The following KIF13A variants were observed in gnomAD, a reference collection of about 807,000 sequenced individuals.
KIF13A encodes kinesin family member 13A, also known as kinesin-like protein KIF13A.
In KIF13A, 79 loss-of-function variants were observed where a neutral mutation model predicts 212.2. The observed-to-expected ratio is 0.37, with a 90% CI of 0.31 to 0.45. The LOEUF is 0.45. Among genes scored for constraint, KIF13A ranks in the 20% least tolerant of loss-of-function variants. KIF13A has a pLI of 1.00. For missense variants in KIF13A, 1,901 were observed against 2,209.0 expected (o/e 0.86, Z 2.79); for synonymous variants, 789 against 808.6 (o/e 0.98, Z 0.41).
chr6:17,930,734 C>T (rs1775915452), intron 2 of KIF13A, among the ~76,000 whole-genome samples: 1 of 152,180 alleles, frequency 6.6e-6, no homozygotes, highest in South Asian at 2.1e-4. Context: ...GGTGATCTCA[C>T]TACCACTACC....
intron 3 of KIF13A, among the ~76,000 whole-genome samples, chr6:17,878,747 T>C (rs1770797193): frequency 6.6e-6 from 1 of 152,058 alleles, no homozygotes; most frequent in African/African-American, 2.4e-5. Context: ...AATCAAAGAG[T>C]TAATCATTTA....
intron 25 of KIF13A, among the ~76,000 whole-genome samples, 153 bp from the exon 26 acceptor site, chr6:17,790,063 A>C (rs1290429796): frequency 3.9e-5 from 6 of 152,244 alleles, no homozygotes; most frequent in Non-Finnish European, 8.8e-5. Flanking sequence ...AAAAGGTAAA[A>C]TGGATTTAAT....
Position 17,897,341 on chromosome 6 carries a change from C to A in KIF13A, c.159+827G>T, listed in dbSNP as rs1005738579. 6.6e-6 allele frequency among the ~76,000 whole-genome samples: 1 copy of A among 152,190 alleles called. No individual in the cohort carries two copies. The highest frequency in any genetic ancestry group is 2.4e-5 in the African/African-American group (1 of 41,452). ...GCCTGTTCTAATCCTATCTCAAGAA[C>A]CACAGCTATAATCAGTATCACTGGC... On this transcript the variant is annotated intron_variant, in intron 3 of 38. Coordinates refer to ENST00000259711, the MANE Select transcript of KIF13A (RefSeq NM_022113.6). This position sits in a 1 kb window ranked among gnomAD's most constrained non-coding sequence, Gnocchi z 4.8.
intron 19 of KIF13A, 117 bp downstream of exon 19, chr6:17,805,358 T>C: frequency 2.3e-6 from 2 of 860,104 alleles, no homozygotes; most frequent in South Asian, 1.7e-5. Context: ...TAACGTATCA[T>C]GAGCACATCT....
At chr6:17,917,921 T>C (rs1334072504) in intron 2 of KIF13A, among the ~76,000 whole-genome samples, 1 of 152,080 alleles carries the variant, frequency 6.6e-6, no homozygotes, top group Non-Finnish European at 1.5e-5. Flanking sequence ...CTTTGGAGGC[T>C]TCAAGCTACT....
Position 17,941,398 on chromosome 6 carries a change from T to C in KIF13A, c.147-43218A>G, listed in dbSNP as rs373615301. 4.6e-5 allele frequency among the ~76,000 whole-genome samples: 7 copies of C among 152,328 alleles called. No homozygotes were observed. In the South Asian group the frequency reaches 6.2e-4, roughly 14 times the overall value. ...TTAGCTATTGTTATGAATGGAATCA[T>C]GTCCCCACACCCTAAATTTCCATAT... On this transcript the variant is annotated intron_variant, in intron 2 of 38. Coordinates refer to ENST00000259711, the MANE Select transcript of KIF13A (RefSeq NM_022113.6).
chr6:17,775,077 T>A lies in KIF13A; in HGVS notation c.4171-15A>T. 6.2e-7 allele frequency: 1 copy of A among 1,605,170 alleles called. No homozygotes were observed. Among genetic ancestry groups the A allele is most frequent in the Non-Finnish European group, 8.5e-7 (1 of 1,175,206 alleles). On this transcript the variant is annotated splice_polypyrimidine_tract_variant and intron_variant, in intron 34 of 38. Transcript: ENST00000259711. ...CTGGAAGAGACCTATAAGAGAAGAATGGTTTTAGCAATGTGGTTTATATAT... is the reference window on the plus strand; with the variant it reads ...CTGGAAGAGACCTATAAGAGAAGAAAGGTTTTAGCAATGTGGTTTATATAT...
intron 2 of KIF13A, among the ~76,000 whole-genome samples, chr6:17,960,229 A>G (rs932927818): frequency 6.6e-6 from 1 of 152,038 alleles, no homozygotes; most frequent in Non-Finnish European, 1.5e-5. Flanking sequence ...AGGGAAAATC[A>G]CTCTTTAGTA....
At position 17,951,323 on chromosome 6, in the gene KIF13A, G is replaced by A; in HGVS notation, c.146+35731C>T. On this transcript the variant is annotated intron_variant, in intron 2 of 38. Transcript: ENST00000259711. This position sits in a 1 kb window ranked among gnomAD's most constrained non-coding sequence, Gnocchi z 4.9. The stretch of plus-strand genomic sequence containing the variant: ...TAAACAAATTTTTTGTAGAGATGGG[G>A]TTTTGCCATGTTGCAAAGGCTGGTC... The A allele has an allele frequency of 1.6e-6, 1 of 622,464 alleles. No individual in the cohort carries two copies. The highest frequency in any genetic ancestry group is 1.8e-5 in the South Asian group (1 of 55,448). The allele number at this position is 622,464 out of a possible 1,614,324, so 38.6% of individuals were successfully genotyped here. A position where few individuals can be genotyped will look rare whatever the true frequency, so the allele number is the denominator to read the frequency against.
In KIF13A at chr6:17,784,469, A is replaced by G. The variant is rs548673392; in HGVS notation, c.3489-768T>C. On this transcript the variant is annotated intron_variant, in intron 28 of 38. Transcript: ENST00000259711. Reference sequence around the variant, plus strand: ...ACCCAACTTGCCCAGCTGCATCAGAACCGCCTCAGAGGCCTCTTAAAGTGA... The same window carrying G: ...ACCCAACTTGCCCAGCTGCATCAGAGCCGCCTCAGAGGCCTCTTAAAGTGA... Among the ~76,000 whole-genome samples, 4 of 152,232 alleles carry G rather than the reference A, an allele frequency of 2.6e-5. No homozygotes were observed. The South Asian group carries it at 6.2e-4, about 24-fold the overall frequency.
At chr6:17,983,911 CA>C (rs1338070425) in intron 2 of KIF13A, among the ~76,000 whole-genome samples, 1 of 152,182 alleles carries the variant, frequency 6.6e-6, no homozygotes, top group Non-Finnish European at 1.5e-5. Context: ...CCTCGTCTTG[CA>C]AAAGTGAACC....
At position 17,814,259 on chromosome 6, in the gene KIF13A, T is replaced by G. The variant is rs1471099239; in HGVS notation, c.2000+2761A>C. 2.9e-5 allele frequency among the ~76,000 whole-genome samples: 4 copies of G among 138,240 alleles called. No individual in the cohort carries two copies. In the East Asian group the frequency reaches 8.8e-4, roughly 31 times the overall value. 90.7% of individuals were successfully genotyped at this position (138,240 alleles called of 152,430 possible). A position where few individuals can be genotyped will look rare whatever the true frequency, so the allele number is the denominator to read the frequency against. ...AGCTACAGTGCCCGGCTTTTTTTTT[T>G]TTTTTTTTTGAGACAGTCTTGCTCT... On this transcript the variant is annotated intron_variant, in intron 17 of 38. Coordinates refer to ENST00000259711, the MANE Select transcript of KIF13A (RefSeq NM_022113.6).
At chr6:17,822,459 T>G (rs747269697) in intron 16 of KIF13A, among the ~76,000 whole-genome samples, 1 of 152,210 alleles carries the variant, frequency 6.6e-6, no homozygotes, top group Non-Finnish European at 1.5e-5. Flanking sequence ...TCCAATTGGT[T>G]TGGCTGAGAG....
Position 17,900,224 on chromosome 6 carries a change from G to A in KIF13A, c.147-2044C>T, listed in dbSNP as rs544875941. ...AGTGAGCTCTCTGGAGTTCTCTTAT[G>A]TGCCCTTTATGCCACAGCCACAGCA... On this transcript the variant is annotated intron_variant, in intron 2 of 38. Transcript: ENST00000259711. This position sits in a 1 kb window ranked among gnomAD's most constrained non-coding sequence, Gnocchi z 4.6. Among the ~76,000 whole-genome samples, 23 of 152,304 alleles carry A rather than the reference G, an allele frequency of 1.5e-4. No homozygotes were observed. Among genetic ancestry groups the A allele is most frequent in the Non-Finnish European group, 2.2e-4 (15 of 68,014 alleles).
intron 16 of KIF13A, among the ~76,000 whole-genome samples, chr6:17,821,488 C>T (rs771284386): frequency 6.7e-6 from 1 of 150,152 alleles, no homozygotes; most frequent in Non-Finnish European, 1.5e-5. Flanking sequence ...TGCTGTTGCA[C>T]ACATACAGAA....
chr6:17,802,911 T>TC (rs890975340), intron 20 of KIF13A, among the ~76,000 whole-genome samples: 1 of 109,212 alleles, frequency 9.2e-6, no homozygotes, highest in African/African-American at 2.8e-5. Flanking sequence ...CATGCCTGGT[T>TC]AATTTTTTTG....
intron 2 of KIF13A, among the ~76,000 whole-genome samples, chr6:17,979,994 A>G (rs2150636955): frequency 6.6e-6 from 1 of 152,304 alleles, no homozygotes; most frequent in South Asian, 2.1e-4. Context: ...TTCCAGAAAA[A>G]AACAGAGAAC....
intron 3 of KIF13A, among the ~76,000 whole-genome samples, chr6:17,880,105 GCCACC>G (rs1770919904): frequency 1.3e-5 from 2 of 152,068 alleles, no homozygotes; most frequent in Non-Finnish European, 2.9e-5. Context: ...ACAGGCGCAT[GCCACC>G]ATGCCCAGCT....
downstream of KIF13A, among the ~76,000 whole-genome samples, chr6:17,761,735 A>T (rs1758596107): frequency 6.6e-6 from 1 of 152,124 alleles, no homozygotes; most frequent in African/African-American, 2.4e-5. Context: ...TTGATATAAC[A>T]TGTTTGTAAA....
Sources: allele counts gnomAD v4.1 joint callset (sites outside exome capture counted in the v4.1 genomes callset), GRCh38; gene constraint gnomAD v4.1.1; non-coding constraint Gnocchi (gnomAD v3.1); transcripts MANE v1.5; gene names NCBI Gene and HGNC (gene_info 2026-07-23, HGNC 2026-07-21).